ANKRD44: variants seen among roughly 807,000 people sequenced by gnomAD.
ANKRD44 encodes ankyrin repeat domain 44.
In ANKRD44, 35 loss-of-function variants were observed where a neutral mutation model predicts 116.0. That is an observed-to-expected ratio of 0.30 (90% CI 0.23 to 0.40). ANKRD44 has a LOEUF of 0.40. Ranked by LOEUF, ANKRD44 falls within the 10% of genes least tolerant of loss-of-function variation. The pLI is 1.00. For missense variants in ANKRD44, 1,014 were observed against 1,242.6 expected (o/e 0.82, Z 2.77); for synonymous variants, 435 against 461.8 (o/e 0.94, Z 0.74).
intron 2 of ANKRD44, among the ~76,000 whole-genome samples, chr2:197,154,803 C>A (rs931460089): frequency 7.2e-5 from 11 of 152,116 alleles, no homozygotes; most frequent in Admixed American, 7.2e-4. Context: ...CCTCCCATGC[C>A]TCAAAGGTGA....
intron 1 of ANKRD44, among the ~76,000 whole-genome samples, chr2:197,229,263 T>C (rs925456530): frequency 1.3e-5 from 2 of 152,238 alleles, no homozygotes; most frequent in African/African-American, 4.8e-5. Context: ...GTTGAGTTCT[T>C]TGCTCTGTTA....
chr2:197,157,472 C>T (rs921005774), intron 2 of ANKRD44, among the ~76,000 whole-genome samples: 4 of 151,878 alleles, frequency 2.6e-5, no homozygotes, highest in Non-Finnish European at 2.9e-5. Flanking sequence ...GTCAGGAGTT[C>T]GAGACCAGCC....
chr2:197,170,265 A>G (rs1404014300), intron 2 of ANKRD44, among the ~76,000 whole-genome samples: 1 of 152,132 alleles, frequency 6.6e-6, no homozygotes, highest in Non-Finnish European at 1.5e-5. Flanking sequence ...TGTTCAAGAA[A>G]GTTAAACAGA....
At chr2:197,141,733 C>T (rs1574536801) in intron 3 of ANKRD44, among the ~76,000 whole-genome samples, 1 of 152,284 alleles carries the variant, frequency 6.6e-6, no homozygotes, top group South Asian at 2.1e-4. Flanking sequence ...ACCTCCTCTC[C>T]CCCATAACAA....
intron 18 of ANKRD44, among the ~76,000 whole-genome samples, chr2:197,012,548 T>C (rs1211944757): frequency 6.6e-6 from 1 of 152,100 alleles, no homozygotes; most frequent in Admixed American, 6.5e-5. Context: ...CTAACGTTTT[T>C]TTTTTTTCCA....
At chr2:197,127,567 G>A (rs1313572396) in intron 4 of ANKRD44, among the ~76,000 whole-genome samples, 2 of 151,980 alleles carry the variant, frequency 1.3e-5, no homozygotes, top group Non-Finnish European at 2.9e-5. Context: ...AGCTTGCTCT[G>A]GCAGAAATAT....
intron 1 of ANKRD44, among the ~76,000 whole-genome samples, chr2:197,209,826 C>T (rs746505946): frequency 6.6e-5 from 10 of 152,214 alleles, no homozygotes; most frequent in Non-Finnish European, 1.5e-4. Flanking sequence ...GCACACAGCA[C>T]AAGATTGTCT....
chr2:197,237,998 C>G (rs1430040156), intron 1 of ANKRD44, among the ~76,000 whole-genome samples: 6 of 152,216 alleles, frequency 3.9e-5, no homozygotes, highest in African/African-American at 1.4e-4. Context: ...ATCCAATTCA[C>G]CTTTCACATC....
rs980086939 is a variant in ANKRD44, at chr2:197,242,005, T to A, written c.28-54899A>T. Among the ~76,000 whole-genome samples the A allele has an allele frequency of 6.6e-5, 10 of 152,314 alleles. No homozygotes were observed. In the South Asian group the frequency reaches 8.3e-4, roughly 13 times the overall value. ...GTTTAATGTCTTGATTAATCTTTTT[T>A]AAAATAGTCTATATATAAAAACTTG... is the stretch of plus-strand genomic sequence containing the variant. On this transcript the variant is annotated intron_variant, in intron 1 of 27. Coordinates refer to ENST00000282272, the MANE Select transcript of ANKRD44 (RefSeq NM_001195144.2).
intron 9 of ANKRD44, among the ~76,000 whole-genome samples, chr2:197,105,779 G>A (rs968405666): frequency 7.2e-5 from 11 of 152,174 alleles, no homozygotes; most frequent in Middle Eastern, 3.4e-3. Flanking sequence ...CAGCCACCTC[G>A]TCCCCACAGA....
At chr2:196,998,307 A>G in intron 25 of ANKRD44, 30 bp downstream of exon 25, 1 of 1,440,456 alleles carries the variant, frequency 6.9e-7, no homozygotes, top group Non-Finnish European at 9.7e-7. Flanking sequence ...TATAACGTGA[A>G]GTAATAATAT....
At chr2:197,063,199 G>C (rs948725996) in intron 16 of ANKRD44, among the ~76,000 whole-genome samples, 1 of 152,182 alleles carries the variant, frequency 6.6e-6, no homozygotes. Context: ...ACAGGGGCTG[G>C]AGTGGACCTC....
chr2:197,118,646 A>G (rs1017160963), intron 8 of ANKRD44, among the ~76,000 whole-genome samples: 122 of 148,852 alleles, frequency 8.2e-4, no homozygotes, highest in African/African-American at 2.8e-3. Flanking sequence ...AGAGAAAGAA[A>G]GAAAGAAAGA....
intron 1 of ANKRD44, among the ~76,000 whole-genome samples, chr2:197,284,883 C>T (rs1170456834): frequency 6.0e-5 from 6 of 99,672 alleles, no homozygotes; most frequent in Non-Finnish European, 1.2e-4. Flanking sequence ...AAGACTCCAT[C>T]TCAAAAAAAA....
intron 1 of ANKRD44, among the ~76,000 whole-genome samples, chr2:197,248,339 C>T (rs2082238151): frequency 6.6e-6 from 1 of 152,034 alleles, no homozygotes; most frequent in African/African-American, 2.4e-5. Flanking sequence ...CAGCAGACTG[C>T]CTTGGGAGTG....
At chr2:196,985,293 G>A (rs2075829151), downstream of ANKRD44, among the ~76,000 whole-genome samples, 1 of 152,174 alleles carries the variant, frequency 6.6e-6, no homozygotes. Context: ...AACTAGGGCT[G>A]ACTCATAGAA....
At chr2:196,991,763 G>GT (rs11321040) in intron 27 of ANKRD44, among the ~76,000 whole-genome samples, 15 of 145,024 alleles carry the variant, frequency 1.0e-4, no homozygotes, top group African/African-American at 2.8e-4. Context: ...TCTTTTTTTG[G>GT]TTTTTTTTTT....
chr2:197,127,380 A>C (rs2078999587), intron 4 of ANKRD44, among the ~76,000 whole-genome samples: 1 of 152,222 alleles, frequency 6.6e-6, no homozygotes, highest in South Asian at 2.1e-4. Flanking sequence ...TTGATTAAAA[A>C]CAGATAACTA....
chr2:197,094,189 G>T (rs985103782), intron 10 of ANKRD44, among the ~76,000 whole-genome samples: 2 of 152,132 alleles, frequency 1.3e-5, no homozygotes, highest in African/African-American at 4.8e-5. Flanking sequence ...TTCTCTTTAG[G>T]CCATGTGGGT....
Sources: gnomAD v4.1 joint callset for allele counts (sites outside exome capture counted in the v4.1 genomes callset) on GRCh38, gnomAD v4.1.1 for gene constraint, MANE v1.5 for transcripts, NCBI Gene and HGNC (gene_info 2026-07-23, HGNC 2026-07-21) for gene names.